The following RASGRP2 variants were observed in gnomAD, a reference collection of about 807,000 sequenced individuals.
RASGRP2 encodes the protein RAS guanyl-releasing protein 2.
A neutral mutation model predicts 71.0 loss-of-function variants in RASGRP2; 44 were observed. That is an observed-to-expected ratio of 0.62 (90% CI 0.49 to 0.80). The LOEUF is 0.80. Among genes scored for constraint, RASGRP2 ranks in the 30% least tolerant of loss-of-function variants. The probability of loss-of-function intolerance (pLI) is 0.00; values close to 1 mark genes in which losing one functional copy is unlikely to be tolerated. For missense variants in RASGRP2, 663 were observed against 813.4 expected (o/e 0.82, Z 2.25); for synonymous variants, 350 against 330.7 (o/e 1.06, Z -0.63).
Position 64,736,989 on chromosome 11 carries a change from C to T in RASGRP2, c.859G>A (p.Gly287Ser), listed in dbSNP as rs201361347. ...GCTGCCAGCCGACGCCGGTAGTTGC[C>T]ATAGTTGCCTGTCGCCGTCACTAGT... ...TELVTATGNYGNYRRRLAACV... is the reference protein window; with the variant it reads ...TELVTATGNYSNYRRRLAACV... Residue 287 changes from glycine (G) to serine (S), a missense_variant, in exon 9 of 17, where the codon GGC (glycine) becomes AGC (serine). Coordinates refer to ENST00000394432, the MANE Select transcript of RASGRP2 (RefSeq NM_001098671.2). The T allele has an allele frequency of 9.9e-6, 16 of 1,613,938 alleles. No homozygotes were observed. The highest frequency in any genetic ancestry group is 1.3e-5 in the Non-Finnish European group (15 of 1,180,034).
rs753280931 is a variant in RASGRP2, at chr11:64,735,281, A to C, written c.1297-54T>G. The C allele has an allele frequency of 1.9e-5, 28 of 1,450,230 alleles. No homozygotes were observed. Among genetic ancestry groups the C allele is most frequent in the Non-Finnish European group, 2.5e-5 (26 of 1,032,564 alleles). 89.8% of individuals were successfully genotyped at this position (1,450,230 alleles called of 1,614,324 possible). ...CAGAAGAGGGGAGAGTAAAGGGGAC[A>C]TCAGGTCCTGTCCCTTCCCACGTTC... On this transcript the variant is annotated intron_variant, in intron 11 of 16. Transcript: ENST00000394432. This position sits in a 1 kb window ranked among gnomAD's most constrained non-coding sequence, Gnocchi z 4.2.
Position 64,735,066 on chromosome 11 carries a change from G to T in RASGRP2, c.1412+46C>A. Reference sequence around the variant, plus strand: ...AAGAAACTGAAGCCCAGGCAGAAGTGGGCTGAGTTGCCTTCCCTCTCCCCC... The same window carrying T: ...AAGAAACTGAAGCCCAGGCAGAAGTTGGCTGAGTTGCCTTCCCTCTCCCCC... On this transcript the variant is annotated intron_variant, in intron 12 of 16. Transcript: ENST00000394432. The surrounding 1 kb of genome is among the most constrained non-coding windows in gnomAD (Gnocchi z 4.2). The T allele has an allele frequency of 7.1e-7, 1 of 1,407,780 alleles. No homozygotes were observed. Among genetic ancestry groups the T allele is most frequent in the Non-Finnish European group, 1.0e-6 (1 of 991,874 alleles). 87.2% of individuals were successfully genotyped at this position (1,407,780 alleles called of 1,614,324 possible).
chr11:64,737,311 G>A (rs2057973836), intron 8 of RASGRP2: 3 of 494,198 alleles, frequency 6.1e-6, no homozygotes, highest in Non-Finnish European at 1.1e-5. Flanking sequence ...GAGGCTCAGG[G>A]AGGCAAGGCA....
Position 64,740,109 on chromosome 11 carries a change from T to C in RASGRP2, c.426A>G (p.Lys142=). 1.9e-6 allele frequency: 3 copies of C among 1,614,114 alleles called. No homozygotes were observed. The highest frequency in any genetic ancestry group is 2.5e-6 in the Non-Finnish European group (3 of 1,180,014). ...QVTQRNPVGQ[K]KRKMSLLFDH... ...CAAACAACAGGGACATCTTGCGCTT[T>C]TTCTGTCCCACAGGGTTCCGCTGAG... is the stretch of plus-strand genomic sequence containing the variant. The change falls in exon 6 of 17, where the codon AAA becomes AAG. Residue 142 remains lysine (K), a synonymous_variant. Transcript: ENST00000394432.
chr11:64,742,121 G>T lies in RASGRP2; in HGVS notation c.74-9C>A, dbSNP rs1160500521. ...CACCTTCCCGGAGTCATCTGACTCCGAAGGGTCAAAGACAGGTGGCTGAGC... is the reference window on the plus strand; with the variant it reads ...CACCTTCCCGGAGTCATCTGACTCCTAAGGGTCAAAGACAGGTGGCTGAGC... On this transcript the variant is annotated splice_polypyrimidine_tract_variant and intron_variant, in intron 2 of 16. Transcript: ENST00000394432. The surrounding 1 kb of genome is among the most constrained non-coding windows in gnomAD (Gnocchi z 4.7). The T allele has an allele frequency of 6.3e-7, 1 of 1,575,512 alleles. No individual in the cohort carries two copies. Among genetic ancestry groups the T allele is most frequent in the Admixed American group, 1.9e-5 (1 of 53,720 alleles).
Position 64,743,187 on chromosome 11 carries a change from A to G in RASGRP2, c.-71-250T>C. Reference sequence around the variant, plus strand: ...GCCGAGGGGCTTCACGAGGATGGGGACGAACCAAGATCCCAGGACTGGCTG... The same window carrying G: ...GCCGAGGGGCTTCACGAGGATGGGGGCGAACCAAGATCCCAGGACTGGCTG... On this transcript the variant is annotated intron_variant, in intron 1 of 16. Transcript: ENST00000394432. The surrounding 1 kb of genome is among the most constrained non-coding windows in gnomAD (Gnocchi z 4.9). The G allele has an allele frequency of 1.8e-6, 1 of 569,304 alleles. No homozygotes were observed. The highest frequency in any genetic ancestry group is 2.2e-5 in the Admixed American group (1 of 45,656). The allele number at this position is 569,304 out of a possible 1,614,324, so 35.3% of individuals were successfully genotyped here.
rs761913256 is a variant in RASGRP2 at position 64,739,351 on chromosome 11, C to A, written c.813+9G>T. 1 of 1,612,132 alleles carries A rather than the reference C, an allele frequency of 6.2e-7. No individual in the cohort carries two copies. Among genetic ancestry groups the A allele is most frequent in the East Asian group, 2.2e-5 (1 of 44,868 alleles). On this transcript the variant is annotated intron_variant, in intron 8 of 16. Coordinates refer to ENST00000394432, the MANE Select transcript of RASGRP2 (RefSeq NM_001098671.2). The surrounding 1 kb of genome is among the most constrained non-coding windows in gnomAD (Gnocchi z 4.2). ...TGGGAAGCACCGGCCCCTCCCCAGT[C>A]CCAGGCACCTTGATGGTCTCAGGGC...
At chr11:64,729,847 ACT>A in intron 13 of RASGRP2, 49 bp from the exon 14 acceptor site, 8 of 1,604,086 alleles carry the variant, frequency 5.0e-6, no homozygotes, top group Non-Finnish European at 6.8e-6. Flanking sequence ...AGAGGTGATG[ACT>A]CTACTTCTTC....
At position 64,729,875 on chromosome 11, in the gene RASGRP2, A is replaced by G. The variant is rs980901777; in HGVS notation, c.1555-77T>C. 20 of 1,595,098 alleles carry G rather than the reference A, an allele frequency of 1.3e-5. No homozygotes were observed. In the African/African-American group the frequency reaches 2.3e-4, roughly 18 times the overall value. Reference sequence around the variant, plus strand: ...CTACTTCTTCCTTCTTGAGGGTGAGACTAGGGCTTTAGAGCCCGCCTCAGG... The same window carrying G: ...CTACTTCTTCCTTCTTGAGGGTGAGGCTAGGGCTTTAGAGCCCGCCTCAGG... On this transcript the variant is annotated intron_variant, in intron 13 of 16. Coordinates refer to ENST00000394432, the MANE Select transcript of RASGRP2 (RefSeq NM_001098671.2).
intron 12 of RASGRP2, among the ~76,000 whole-genome samples, chr11:64,731,282 G>A (rs372252627): frequency 1.2e-3 from 179 of 151,998 alleles, no homozygotes; most frequent in African/African-American, 4.0e-3. Flanking sequence ...CTTGAACCTG[G>A]GAGGTGGAGG....
chr11:64,728,684 C>T (rs1942642331), intron 15 of RASGRP2, among the ~76,000 whole-genome samples, 179 bp downstream of exon 15: 1 of 152,182 alleles, frequency 6.6e-6, no homozygotes, highest in Admixed American at 6.5e-5. Flanking sequence ...CCGCCCGCCT[C>T]GGCCTCCCAA....
chr11:64,727,332 C>T lies in RASGRP2; in HGVS notation c.1800G>A (p.Val600=). 1 of 1,613,940 alleles carries T rather than the reference C, an allele frequency of 6.2e-7. No individual in the cohort carries two copies. The highest frequency in any genetic ancestry group is 8.5e-7 in the Non-Finnish European group (1 of 1,179,926). ...AGTGGATGTCAAACACCCCATCCTCCACCGTCTGTACCTCCTCCTCACGGA... is the reference window on the plus strand; with the variant it reads ...AGTGGATGTCAAACACCCCATCCTCTACCGTCTGTACCTCCTCCTCACGGA... ...PEIREEEVQT[V]EDGVFDIHL is the part of the protein sequence containing the mutation. Residue 600 remains valine (V), a synonymous_variant, in exon 16 of 17, where the codon GTG becomes GTA. Transcript: ENST00000394432.
chr11:64,727,373 G>C lies in RASGRP2; in HGVS notation c.1772-13C>G. On this transcript the variant is annotated splice_polypyrimidine_tract_variant and intron_variant, in intron 15 of 16. Transcript: ENST00000394432. ...TCCTCACGGATCTCTGCTGGGAGGGGGATTGCTGCAGAACACACTTCCAGG... is the reference window on the plus strand; with the variant it reads ...TCCTCACGGATCTCTGCTGGGAGGGCGATTGCTGCAGAACACACTTCCAGG... 6.2e-7 allele frequency: 1 copy of C among 1,613,590 alleles called. No homozygotes were observed. The highest frequency in any genetic ancestry group is 8.5e-7 in the Non-Finnish European group (1 of 1,179,712).
chr11:64,735,494 G>A lies in RASGRP2; in HGVS notation c.1296+48C>T, dbSNP rs1161198703. The A allele has an allele frequency of 6.2e-7, 1 of 1,612,158 alleles. No individual in the cohort carries two copies. The highest frequency in any genetic ancestry group is 1.3e-5 in the African/African-American group (1 of 74,892). ...TGCTGGCTTCCAGGGCAGTGCTCCG[G>A]CAAACTGGCCTCTCCCCACACACTG... On this transcript the variant is annotated intron_variant, in intron 11 of 16. Coordinates refer to ENST00000394432, the MANE Select transcript of RASGRP2 (RefSeq NM_001098671.2). This position sits in a 1 kb window ranked among gnomAD's most constrained non-coding sequence, Gnocchi z 4.2.
intron 14 of RASGRP2, 46 bp from the exon 15 acceptor site, chr11:64,729,088 T>C: frequency 6.5e-7 from 1 of 1,539,242 alleles, no homozygotes; most frequent in Non-Finnish European, 8.8e-7. Context: ...TTGGTCAGAA[T>C]ACCCTCCATC....
At chr11:64,740,432 C>G (rs1043631810) in intron 5 of RASGRP2, 2 of 654,786 alleles carry the variant, frequency 3.1e-6, no homozygotes, top group Admixed American at 2.1e-5. Context: ...TTCCTGCCCT[C>G]GAGGAGCTCA....
chr11:64,743,489 CTG>C lies in RASGRP2; in HGVS notation c.-72+512_-72+513del. ...GGGGCTGCGGCAGCCCCCAGGGGGC[CTG>C]CCCTAGGGGAGGCGGACTGGATGGG... On this transcript the variant is annotated intron_variant, in intron 1 of 16. Coordinates refer to ENST00000394432, the MANE Select transcript of RASGRP2 (RefSeq NM_001098671.2). This position sits in a 1 kb window ranked among gnomAD's most constrained non-coding sequence, Gnocchi z 4.9. 8.6e-6 allele frequency: 3 copies of C among 350,192 alleles called. No individual in the cohort carries two copies. Among genetic ancestry groups the C allele is most frequent in the South Asian group, 6.2e-5 (3 of 48,166 alleles). The allele number at this position is 350,192 out of a possible 1,614,324, so 21.7% of individuals were successfully genotyped here.
intron 8 of RASGRP2, among the ~76,000 whole-genome samples, chr11:64,737,678 CAAAAA>C (rs59836204): frequency 3.3e-5 from 3 of 91,158 alleles, no homozygotes; most frequent in African/African-American, 3.9e-5. Flanking sequence ...GACTCCATCT[CAAAAA>C]AAAAAAAAAA....
chr11:64,736,934 C>A lies in RASGRP2; in HGVS notation c.914G>T (p.Gly305Val). The change falls in exon 9 of 17, where the codon GGT (glycine) becomes GTT (valine). Residue 305 changes from glycine (G) to valine (V), a missense_variant. Transcript: ENST00000394432. ...ACVGFRFPIL[G>V]VHLKDLVALQ... ...GGCCACCAGGTCCTTGAGGTGCACA[C>A]CCAGGATCGGGAAGCGGAAGCCCAC... 1 of 1,613,918 alleles carries A rather than the reference C, an allele frequency of 6.2e-7. No individual in the cohort carries two copies. The highest frequency in any genetic ancestry group is 8.5e-7 in the Non-Finnish European group (1 of 1,180,022).
Sources: allele counts gnomAD v4.1 joint callset (sites outside exome capture counted in the v4.1 genomes callset), GRCh38; gene constraint gnomAD v4.1.1; non-coding constraint Gnocchi (gnomAD v3.1); transcripts MANE v1.5; gene names NCBI Gene and HGNC (gene_info 2026-07-23, HGNC 2026-07-21).